The following ATP7A variants were observed in gnomAD, a reference collection of about 807,000 sequenced individuals.
ATP7A encodes the protein ATPase copper transporting alpha, also known as copper-transporting ATPase 1.
Under a neutral mutation model 83.5 loss-of-function variants are expected in ATP7A, and 7 were observed. The observed-to-expected ratio is 0.08, with a 90% confidence interval of 0.05 to 0.16. The LOEUF is 0.16. Ranked by LOEUF, ATP7A falls within the 10% of genes least tolerant of loss-of-function variation. The probability of loss-of-function intolerance (pLI) is 1.00; values close to 1 mark genes in which losing one functional copy is unlikely to be tolerated. For synonymous variants in ATP7A, 354 were observed against 395.2 expected, an observed-to-expected ratio of 0.90 and a Z score of 1.24; for missense variants, 940 against 1,120.8, an observed-to-expected ratio of 0.84 and a Z score of 2.30.
At chrX:77,971,553 A>G in intron 1 of ATP7A, 68 bp from the exon 2 acceptor site, 1 of 1,013,396 alleles carries the variant, frequency 9.9e-7, no homozygotes, top group Non-Finnish European at 1.4e-6. Flanking sequence ...TTAATTGGGG[A>G]GGTGGGGGAA....
chrX:78,011,650 C>A lies in ATP7A; in HGVS notation c.2148C>A (p.Ser716=). The change falls in exon 9 of 23, where the codon TCC becomes TCA. Residue 716 remains serine (S), a synonymous_variant. Transcript: ENST00000341514. The part of the protein sequence containing the change: ...LPGLSVMNLL[S]FLLCVPVQFF... Reference sequence around the variant, plus strand: ...GATTGTCTGTTATGAATTTGCTGTCCTTTTTATTGTGTGTACCTGTACAGG... The same window carrying A: ...GATTGTCTGTTATGAATTTGCTGTCATTTTTATTGTGTGTACCTGTACAGG... 8.3e-7 allele frequency: 1 copy of A among 1,209,773 alleles called. No homozygotes were observed. Among genetic ancestry groups the A allele is most frequent in the Non-Finnish European group, 1.1e-6 (1 of 893,956 alleles).
intron 2 of ATP7A, among the ~76,000 whole-genome samples, chrX:77,976,300 T>C (rs2077576614): frequency 8.9e-6 from 1 of 112,419 alleles, no homozygotes; most frequent in Non-Finnish European, 1.9e-5. Flanking sequence ...TTGTGAGAGC[T>C]CTACTTTTTA....
At chrX:77,976,529 C>A (rs1226662595) in intron 2 of ATP7A, among the ~76,000 whole-genome samples, 2 of 111,801 alleles carry the variant, frequency 1.8e-5, no homozygotes, top group African/African-American at 6.5e-5. Flanking sequence ...TCTATGAAGT[C>A]TGATACATTT....
chrX:77,931,852 G>A (rs1397175882), intron 1 of ATP7A, among the ~76,000 whole-genome samples: 1 of 95,049 alleles, frequency 1.1e-5, no homozygotes, highest in Non-Finnish European at 2.1e-5. Context: ...CGGACGGGGC[G>A]GCTGGCCGGG....
At chrX:77,968,148 T>TA (rs1349249863) in intron 1 of ATP7A, among the ~76,000 whole-genome samples, 2 of 109,905 alleles carry the variant, frequency 1.8e-5, no homozygotes, top group African/African-American at 6.6e-5. Flanking sequence ...GGGATTCTAA[T>TA]ACACACACCA....
intron 16 of ATP7A, 47 bp from the exon 17 acceptor site, chrX:78,033,558 T>A: frequency 1.8e-6 from 2 of 1,134,427 alleles, no homozygotes; most frequent in Non-Finnish European, 2.4e-6. Context: ...TGAATGACCT[T>A]GCATTATCAG....
intron 1 of ATP7A, among the ~76,000 whole-genome samples, chrX:77,933,806 C>T (rs1557224798): frequency 8.9e-6 from 1 of 112,090 alleles, no homozygotes; most frequent in East Asian, 2.8e-4. Context: ...TTATATGCTA[C>T]TGGTAAGCAA....
chrX:77,935,250 G>C (rs1465951385), intron 1 of ATP7A, among the ~76,000 whole-genome samples: 7 of 111,996 alleles, frequency 6.3e-5, no homozygotes, highest in African/African-American at 2.3e-4. Flanking sequence ...ATGTGCACTG[G>C]TGTCTTACTG....
chrX:78,016,026 A>T, intron 12 of ATP7A, 145 bp downstream of exon 12: 1 of 694,753 alleles, frequency 1.4e-6, no homozygotes, highest in Non-Finnish European at 2.1e-6. Context: ...ATTTCCTCAG[A>T]TTTACTTTGT....
At chrX:77,955,552 A>G (rs782197511) in intron 1 of ATP7A, among the ~76,000 whole-genome samples, 31 of 111,709 alleles carry the variant, frequency 2.8e-4, no homozygotes, top group Non-Finnish European at 7.5e-5. Context: ...TATGGGGTAC[A>G]ATTTGATGTT....
chrX:77,983,598 T>C (rs782233759), intron 2 of ATP7A, among the ~76,000 whole-genome samples: 4 of 112,359 alleles, frequency 3.6e-5, no homozygotes, highest in Non-Finnish European at 5.6e-5. Context: ...CTTTTTTCTC[T>C]CCCACTACTG....
intron 4 of ATP7A, among the ~76,000 whole-genome samples, 155 bp downstream of exon 4, chrX:77,990,113 G>A (rs1473844752): frequency 8.9e-6 from 1 of 112,132 alleles, no homozygotes; most frequent in Non-Finnish European, 1.9e-5. Context: ...ATACAAAGAT[G>A]CATAAGGATG....
intron 1 of ATP7A, among the ~76,000 whole-genome samples, chrX:77,960,340 C>T (rs1185318247): frequency 3.6e-5 from 4 of 112,408 alleles, no homozygotes; most frequent in African/African-American, 6.5e-5. Context: ...TGAGACTGCT[C>T]CACTGCACTC....
At chrX:77,919,363 T>A (rs1229716059) in intron 1 of ATP7A, among the ~76,000 whole-genome samples, 2 of 112,356 alleles carry the variant, frequency 1.8e-5, no homozygotes, top group African/African-American at 6.5e-5. Context: ...AAATTTGTTG[T>A]CTAGTTCTTA....
chrX:78,012,992 G>A lies in ATP7A; in HGVS notation c.2286G>A (p.Leu762=). Residue 762 remains leucine (L), a synonymous_variant, in exon 10 of 23, where the codon TTG becomes TTA. Transcript: ENST00000341514. ...CCACCATTGCATTTGCCTACTCTTT[G>A]ATTATTCTTCTAGTTGCAATGTATG... ...LATTIAFAYS[L]IILLVAMYER... is the part of the protein sequence containing the mutation. The A allele has an allele frequency of 8.3e-7, 1 of 1,210,709 alleles. No individual in the cohort carries two copies. The highest frequency in any genetic ancestry group is 1.1e-6 in the Non-Finnish European group (1 of 894,775).
chrX:78,046,159 C>A, intron 22 of ATP7A, 135 bp from the exon 23 acceptor site: 1 of 725,462 alleles, frequency 1.4e-6, no homozygotes, highest in Non-Finnish European at 2.1e-6. Context: ...AGCTATTTTC[C>A]TACCAGTGAT....
intron 1 of ATP7A, among the ~76,000 whole-genome samples, chrX:77,916,534 A>G (rs2077186797): frequency 9.0e-6 from 1 of 110,700 alleles, no homozygotes; most frequent in African/African-American, 3.3e-5. Flanking sequence ...AAGAAAACTC[A>G]TAACAATCTG....
chrX:77,977,510 A>G (rs1391225239), intron 2 of ATP7A, among the ~76,000 whole-genome samples: 3 of 112,384 alleles, frequency 2.7e-5, no homozygotes, highest in Non-Finnish European at 5.6e-5. Flanking sequence ...CTCTGCCAAC[A>G]TATCCATGTA....
At chrX:77,970,578 AG>A (rs1355975277) in intron 1 of ATP7A, among the ~76,000 whole-genome samples, 1 of 111,870 alleles carries the variant, frequency 8.9e-6, no homozygotes, top group Non-Finnish European at 1.9e-5. Context: ...AGGCTGATGC[AG>A]GAGAATCACT....
Sources: gnomAD v4.1 joint callset for allele counts (sites outside exome capture counted in the v4.1 genomes callset) on GRCh38, gnomAD v4.1.1 for gene constraint, MANE v1.5 for transcripts, NCBI Gene and HGNC (gene_info 2026-07-23, HGNC 2026-07-21) for gene names.